The following GPC5 variants were observed in gnomAD, a reference collection of about 807,000 sequenced individuals.
GPC5 encodes glypican 5.
Under a neutral mutation model 53.9 loss-of-function variants are expected in GPC5, and 47 were observed. That is an observed-to-expected ratio of 0.87 (90% CI 0.69 to 1.11). The LOEUF (loss-of-function observed/expected upper bound fraction) is 1.11, where lower values mean the gene tolerates loss of function less well. Ranked by LOEUF, GPC5 falls within the 50% of genes most tolerant of loss-of-function variation. The pLI is 0.00. For missense variants in GPC5, 748 were observed against 713.1 expected (o/e 1.05, Z -0.56); for synonymous variants, 286 against 263.3 (o/e 1.09, Z -0.84).
intron 7 of GPC5, among the ~76,000 whole-genome samples, chr13:92,864,261 A>G (rs917302123): frequency 6.6e-6 from 1 of 152,168 alleles, no homozygotes; most frequent in African/African-American, 2.4e-5. Flanking sequence ...TAGAACTGTT[A>G]CATTTATTTA....
At chr13:91,770,704 T>TTGTGTGTGTGTG (rs71113759) in intron 5 of GPC5, among the ~76,000 whole-genome samples, 3,593 of 145,624 alleles carry the variant, frequency 0.025, 93 homozygotes, top group South Asian at 0.082. Flanking sequence ...GACTGTGTGT[T>TTGTGTGTGTGTG]TGTGTGTGTG....
chr13:92,428,726 C>A (rs1876952061), intron 7 of GPC5, among the ~76,000 whole-genome samples: 1 of 152,060 alleles, frequency 6.6e-6, no homozygotes, highest in Admixed American at 6.6e-5. Context: ...AGGCCTGACA[C>A]CTATTTTATT....
chr13:92,075,317 T>C (rs1390692405), intron 6 of GPC5, among the ~76,000 whole-genome samples: 1 of 152,202 alleles, frequency 6.6e-6, no homozygotes, highest in African/African-American at 2.4e-5. Flanking sequence ...ACTCACAGTT[T>C]ACTAAAGAGG....
intron 6 of GPC5, among the ~76,000 whole-genome samples, chr13:91,969,958 T>C (rs1245397770): frequency 6.6e-6 from 1 of 152,174 alleles, no homozygotes. Flanking sequence ...GAAAACAGCA[T>C]GCACTCCCAT....
At chr13:91,877,394 T>C (rs2039215636) in intron 5 of GPC5, among the ~76,000 whole-genome samples, 1 of 152,212 alleles carries the variant, frequency 6.6e-6, no homozygotes, top group Non-Finnish European at 1.5e-5. Context: ...GGGGCAGAGC[T>C]GCCCAAGAGC....
rs1566350643 is a variant in GPC5 at position 92,663,653 on chromosome 13, T to TATATATATATACTATATATATACA, written c.1562-202628_1562-202605dup. Among the ~76,000 whole-genome samples the TATATATATATACTATATATATACA allele has an allele frequency of 5.8e-3, 759 of 130,292 alleles. 11 individuals are homozygous for TATATATATATACTATATATATACA. Among genetic ancestry groups the TATATATATATACTATATATATACA allele is most frequent in the African/African-American group, 0.023 (734 of 31,624 alleles). The allele number at this position is 130,292 out of a possible 152,430, so 85.5% of individuals were successfully genotyped here. A position where few individuals can be genotyped will look rare whatever the true frequency, so the allele number is the denominator to read the frequency against. On this transcript the variant is annotated intron_variant, in intron 7 of 7. Coordinates refer to ENST00000377067, the MANE Select transcript of GPC5 (RefSeq NM_004466.6). ...CTATATATACACACTATATATATACTATATATATATACTATATATATACAC... is the reference window on the plus strand; with the variant it reads ...CTATATATACACACTATATATATACTATATATATATACTATATATATACAATATATATATACTATATATATACAC...
At chr13:92,538,477 T>C (rs1361957373) in intron 7 of GPC5, among the ~76,000 whole-genome samples, 1 of 150,174 alleles carries the variant, frequency 6.7e-6, no homozygotes, top group African/African-American at 2.5e-5. Context: ...TTTTTTTTAA[T>C]TACACTTTAA....
intron 2 of GPC5, among the ~76,000 whole-genome samples, chr13:91,540,139 T>C (rs749030824): frequency 1.7e-4 from 26 of 152,218 alleles, no homozygotes; most frequent in Non-Finnish European, 2.2e-4. Context: ...GCAACTTAAG[T>C]GCATATTCCA....
intron 7 of GPC5, among the ~76,000 whole-genome samples, chr13:92,628,515 G>C (rs903121872): frequency 1.3e-5 from 2 of 151,944 alleles, no homozygotes; most frequent in Non-Finnish European, 2.9e-5. Flanking sequence ...CCGTGTCCAT[G>C]CTCAGCCCTA....
At chr13:91,429,486 A>G (rs1879281508) in intron 1 of GPC5, among the ~76,000 whole-genome samples, 1 of 152,160 alleles carries the variant, frequency 6.6e-6, no homozygotes. Context: ...CCAAGTAGAG[A>G]TTGGTTAATT....
At chr13:91,632,895 G>C (rs919139711) in intron 2 of GPC5, among the ~76,000 whole-genome samples, 1 of 152,056 alleles carries the variant, frequency 6.6e-6, no homozygotes, top group African/African-American at 2.4e-5. Flanking sequence ...TGTTGGAATA[G>C]GCCAAAGAGG....
chr13:92,340,580 G>A (rs1211342873), intron 7 of GPC5: 2 of 152,138 alleles, frequency 1.3e-5, no homozygotes, highest in East Asian at 3.9e-4. Flanking sequence ...AATAGTCTTG[G>A]ATTTTCAAGT....
In GPC5 at chr13:92,657,070, A is replaced by G. The variant is rs1362771078; in HGVS notation, c.1562-209212A>G. On this transcript the variant is annotated intron_variant, in intron 7 of 7. Coordinates refer to ENST00000377067, the MANE Select transcript of GPC5 (RefSeq NM_004466.6). ...ATTTTAGGTAATTGTAAAAGACACA[A>G]TTTTAAGTAAATTTTAAAAATTAAC... Among the ~76,000 whole-genome samples, 5 of 152,358 alleles carry G rather than the reference A, an allele frequency of 3.3e-5. No homozygotes were observed. The East Asian group carries it at 9.6e-4, about 29-fold the overall frequency.
chr13:92,825,745 T>C (rs1877824879), intron 7 of GPC5, among the ~76,000 whole-genome samples: 1 of 152,152 alleles, frequency 6.6e-6, no homozygotes, highest in Non-Finnish European at 1.5e-5. Context: ...TATTCTTTCA[T>C]TGTTCTTTAT....
chr13:92,707,893 G>A (rs996826612), intron 7 of GPC5, among the ~76,000 whole-genome samples: 11 of 152,010 alleles, frequency 7.2e-5, no homozygotes, highest in African/African-American at 2.4e-4. Flanking sequence ...ATTTTTGGCA[G>A]AGACCATGAG....
intron 5 of GPC5, among the ~76,000 whole-genome samples, chr13:91,860,464 T>G (rs2039014531): frequency 2.0e-5 from 3 of 149,274 alleles, no homozygotes; most frequent in Non-Finnish European, 3.0e-5. Context: ...CTTCCTTCCT[T>G]CCTTCCTGCC....
chr13:91,814,415 G>A (rs1315194967), intron 5 of GPC5, among the ~76,000 whole-genome samples: 2 of 152,118 alleles, frequency 1.3e-5, no homozygotes, highest in African/African-American at 4.8e-5. Context: ...CATAGTAGGG[G>A]AAAAGGAACC....
At chr13:91,764,987 CT>C (rs1180669619) in intron 5 of GPC5, among the ~76,000 whole-genome samples, 1 of 152,200 alleles carries the variant, frequency 6.6e-6, no homozygotes, top group Non-Finnish European at 1.5e-5. Context: ...GTTTTGGCCT[CT>C]TTCTGCTGAG....
At chr13:92,131,797 A>C (rs953298677) in intron 6 of GPC5, among the ~76,000 whole-genome samples, 8 of 151,984 alleles carry the variant, frequency 5.3e-5, no homozygotes, top group African/African-American at 1.9e-4. Flanking sequence ...AAATTCAATA[A>C]GGAGTATACT....
Sources: allele counts gnomAD v4.1 joint callset (sites outside exome capture counted in the v4.1 genomes callset), GRCh38; gene constraint gnomAD v4.1.1; transcripts MANE v1.5; gene names NCBI Gene and HGNC (gene_info 2026-07-23, HGNC 2026-07-21).